Variants in PLA2G4C observed in about 807,000 individuals in gnomAD.
The protein encoded by PLA2G4C is cytosolic phospholipase A2 gamma.
Under a neutral mutation model 73.8 loss-of-function variants are expected in PLA2G4C, and 64 were observed. That is an observed-to-expected ratio of 0.87 (90% CI 0.71 to 1.07). The LOEUF is 1.07. Ranked by LOEUF, PLA2G4C falls within the 50% of genes least tolerant of loss-of-function variation. The probability of loss-of-function intolerance (pLI) is 0.00; values close to 1 mark genes in which losing one functional copy is unlikely to be tolerated. For synonymous variants in PLA2G4C, 254 were observed against 252.1 expected (o/e 1.01, Z -0.07); for missense variants, 622 against 665.4 (o/e 0.93, Z 0.72).
Position 48,061,991 on chromosome 19 carries a change from C to CCG in PLA2G4C, c.1257+6_1257+7insCG. ...CCAGGACCGGCCCCAAAGCCCTTCT[C>CCG]GATTACCTCGAAAGGATCTCCGGCA... On this transcript the variant is annotated splice_region_variant and intron_variant, in intron 14 of 16. Transcript: ENST00000599921. 1 of 1,613,446 alleles carries CCG rather than the reference C, an allele frequency of 6.2e-7. No homozygotes were observed. The highest frequency in any genetic ancestry group is 8.5e-7 in the Non-Finnish European group (1 of 1,179,780).
At chr19:48,087,865 C>T (rs868149165) in intron 9 of PLA2G4C, among the ~76,000 whole-genome samples, 1 of 149,630 alleles carries the variant, frequency 6.7e-6, no homozygotes, top group African/African-American at 2.5e-5. Context: ...ACCTGGGAGG[C>T]GGAGGTTGTG....
At chr19:48,087,805 G>T (rs1041870113) in intron 9 of PLA2G4C, among the ~76,000 whole-genome samples, 71 of 152,046 alleles carry the variant, frequency 4.7e-4, no homozygotes, top group African/African-American at 1.5e-3. Flanking sequence ...ATGGTGGCAA[G>T]TGCCTGCAAT....
chr19:48,095,465 T>C lies in PLA2G4C; in HGVS notation c.708A>G (p.Arg236=). ...THPERDLTFL[R]GLWGSALGNT... ...ATCCCCTCTGACCCCAGCGCTGACC[T>C]CTCAGGAAAGTCAGGTCTCTCTCAG... Residue 236 remains arginine, a splice_region_variant and synonymous_variant, in exon 7 of 17, where the codon AGA becomes AGG. Coordinates refer to ENST00000599921, the MANE Select transcript of PLA2G4C (RefSeq NM_003706.3). 1.2e-6 allele frequency: 2 copies of C among 1,613,910 alleles called. No homozygotes were observed. Among genetic ancestry groups the C allele is most frequent in the Non-Finnish European group, 8.5e-7 (1 of 1,179,930 alleles).
chr19:48,070,414 T>C (rs1968611194), intron 12 of PLA2G4C, among the ~76,000 whole-genome samples: 1 of 152,224 alleles, frequency 6.6e-6, no homozygotes, highest in Non-Finnish European at 1.5e-5. Flanking sequence ...ACCTCCAGAC[T>C]GGAGCGTCAA....
At chr19:48,051,126 GGAGAT>G (rs1967708786) in intron 16 of PLA2G4C, among the ~76,000 whole-genome samples, 1 of 152,168 alleles carries the variant, frequency 6.6e-6, no homozygotes, top group Admixed American at 6.6e-5. Flanking sequence ...AGAGCAAGGA[GGAGAT>G]GAGATGATAG....
In PLA2G4C at chr19:48,110,535, C is replaced by CCGGAATCCGGTGCGGAGGCTTGGGCTT. The variant is rs761836640; in HGVS notation, c.-82_-81insAAGCCCAAGCCTCCGCACCGGATTCCG. On this transcript the variant is annotated 5_prime_UTR_variant, in exon 1 of 17. Transcript: ENST00000599921. ...GCGCATGCGCGGTGGAGCTTGTGCT[C>CCGGAATCCGGTGCGGAGGCTTGGGCTT]CGGAATCCGGTGCGGAGGCTTGGGC... is the stretch of plus-strand genomic sequence containing the variant. 1.3e-6 allele frequency: 2 copies of CCGGAATCCGGTGCGGAGGCTTGGGCTT among 1,533,112 alleles called. No individual in the cohort carries two copies. Among genetic ancestry groups the CCGGAATCCGGTGCGGAGGCTTGGGCTT allele is most frequent in the South Asian group, 1.2e-5 (1 of 83,436 alleles). 95.0% of individuals were successfully genotyped at this position (1,533,112 alleles called of 1,614,324 possible).
At chr19:48,104,803 C>A in intron 3 of PLA2G4C, 79 bp from the exon 4 acceptor site, 1 of 1,451,460 alleles carries the variant, frequency 6.9e-7, no homozygotes, top group African/African-American at 1.4e-5. Flanking sequence ...GTACCTGGGG[C>A]CGGGCACCGT....
intron 8 of PLA2G4C, chr19:48,090,143 C>G: frequency 3.8e-6 from 2 of 529,252 alleles, no homozygotes; most frequent in Non-Finnish European, 6.8e-6. Context: ...GGTCACAAAG[C>G]TTACATGTAC....
intron 10 of PLA2G4C, among the ~76,000 whole-genome samples, chr19:48,084,762 C>A (rs2030874868): frequency 6.6e-6 from 1 of 152,172 alleles, no homozygotes; most frequent in East Asian, 1.9e-4. Context: ...TATTATCACC[C>A]ACATGGCACA....
At chr19:48,091,333 G>T (rs1035640213) in intron 7 of PLA2G4C, among the ~76,000 whole-genome samples, 4 of 152,036 alleles carry the variant, frequency 2.6e-5, no homozygotes, top group African/African-American at 4.8e-5. Context: ...TTACAGGCAT[G>T]CACCACCACG....
intron 14 of PLA2G4C, 74 bp downstream of exon 14, chr19:48,061,924 A>C: frequency 6.7e-7 from 1 of 1,486,890 alleles, no homozygotes; most frequent in Non-Finnish European, 9.3e-7. Context: ...CCGCGTCCTC[A>C]GTTCCTCCGC....
At chr19:48,051,636 C>T (rs1381887309) in intron 16 of PLA2G4C, among the ~76,000 whole-genome samples, 1 of 151,996 alleles carries the variant, frequency 6.6e-6, no homozygotes, top group Admixed American at 6.6e-5. Context: ...CTCCCTCACT[C>T]TCACGAGAAC....
chr19:48,068,856 A>T (rs139878273), intron 12 of PLA2G4C, among the ~76,000 whole-genome samples: 1,992 of 151,964 alleles, frequency 0.013, 51 homozygotes, highest in African/African-American at 0.046. Context: ...CCATGGAGAG[A>T]GGCCTCAGGA....
intron 7 of PLA2G4C, 170 bp from the exon 8 acceptor site, chr19:48,090,587 A>T: frequency 1.6e-6 from 1 of 627,310 alleles, no homozygotes; most frequent in Non-Finnish European, 2.9e-6. Flanking sequence ...GGCACCCGGC[A>T]CTCTTCTGGC....
chr19:48,072,874 G>A lies in PLA2G4C; in HGVS notation c.1006+1893C>T, dbSNP rs979716445. ...TGTGCCTGGACACCGGGTCATCACA[G>A]AGGTGAGAGGTTGGATGTCTGGGGG... On this transcript the variant is annotated intron_variant, in intron 12 of 16. Coordinates refer to ENST00000599921, the MANE Select transcript of PLA2G4C (RefSeq NM_003706.3). The surrounding 1 kb of genome is among the most constrained non-coding windows in gnomAD (Gnocchi z 4.4). 1.3e-5 allele frequency: 2 copies of A among 152,262 alleles called. No homozygotes were observed. The highest frequency in any genetic ancestry group is 2.9e-5 in the Non-Finnish European group (2 of 68,080). 9.4% of individuals were successfully genotyped at this position (152,262 alleles called of 1,614,324 possible). A position where few individuals can be genotyped will look rare whatever the true frequency, so the allele number is the denominator to read the frequency against.
chr19:48,068,486 C>A (rs1453412419), intron 12 of PLA2G4C, among the ~76,000 whole-genome samples: 3 of 151,668 alleles, frequency 2.0e-5, no homozygotes, highest in African/African-American at 7.3e-5. Context: ...AGTTTGAGAC[C>A]AGCTTGGGCA....
intron 15 of PLA2G4C, among the ~76,000 whole-genome samples, chr19:48,054,372 C>T (rs188919398): frequency 6.6e-6 from 1 of 152,196 alleles, no homozygotes; most frequent in East Asian, 1.9e-4. Flanking sequence ...AGCGCGATCT[C>T]AGCTCACTGC....
rs1442525578 is a variant in PLA2G4C, at chr19:48,067,848, C to T, written c.1045G>A (p.Gly349Ser). 6.2e-7 allele frequency: 1 copy of T among 1,613,898 alleles called. No homozygotes were observed. The highest frequency in any genetic ancestry group is 2.2e-5 in the East Asian group (1 of 44,872). ...CATTCCCACTTTGAAGCGCAAATGCCTGTTTTCTTCACAAAATCCATCAAG... is the reference window on the plus strand; with the variant it reads ...CATTCCCACTTTGAAGCGCAAATGCTTGTTTTCTTCACAAAATCCATCAAG... ...SNLMDFVKKT[G>S]ICASKWEWGT... is the part of the protein sequence containing the mutation. Residue 349 changes from glycine to serine, a missense_variant, in exon 13 of 17, where the codon GGC becomes AGC. Coordinates refer to ENST00000599921, the MANE Select transcript of PLA2G4C (RefSeq NM_003706.3).
intron 6 of PLA2G4C, chr19:48,097,018 G>A (rs2122658074): frequency 6.6e-6 from 1 of 151,956 alleles, no homozygotes; most frequent in South Asian, 2.1e-4. Flanking sequence ...CGCTGGGCGT[G>A]ATGGCGCATG....
Sources: gnomAD v4.1 joint callset for allele counts (sites outside exome capture counted in the v4.1 genomes callset) on GRCh38, gnomAD v4.1.1 for gene constraint, Gnocchi (gnomAD v3.1) non-coding constraint, MANE v1.5 for transcripts, NCBI Gene and HGNC (gene_info 2026-07-23, HGNC 2026-07-21) for gene names.